ZFP90: variants seen among roughly 807,000 people sequenced by gnomAD.
The protein encoded by ZFP90 is zinc finger protein 90 homolog.
A neutral mutation model predicts 60.8 loss-of-function variants in ZFP90; 38 were observed. The ratio of observed to expected loss-of-function variants is 0.62; its 90% CI spans 0.48 to 0.82. The LOEUF (loss-of-function observed/expected upper bound fraction) is 0.82, where lower values mean the gene tolerates loss of function less well. Among genes scored for constraint, ZFP90 ranks in the 40% least tolerant of loss-of-function variants. ZFP90 has a pLI of 0.00. For synonymous variants in ZFP90, 287 were observed against 264.8 expected (o/e 1.08, Z -0.82); for missense variants, 711 against 759.1 (o/e 0.94, Z 0.74).
intron 4 of ZFP90, among the ~76,000 whole-genome samples, chr16:68,561,181 C>T (rs2091434686): frequency 6.6e-6 from 1 of 152,244 alleles, no homozygotes; most frequent in Admixed American, 6.5e-5. Context: ...AGGCATGAGC[C>T]ACTGCGCCCA....
chr16:68,562,930 G>C (rs2091458903), intron 4 of ZFP90, 114 bp from the exon 5 acceptor site: 2 of 1,550,576 alleles, frequency 1.3e-6, no homozygotes, highest in Non-Finnish European at 1.7e-6. Context: ...CAGGATACAG[G>C]AGTAATTTCA....
intron 2 of ZFP90, among the ~76,000 whole-genome samples, chr16:68,575,215 C>G (rs1167383638): frequency 6.6e-6 from 1 of 152,246 alleles, no homozygotes; most frequent in African/African-American, 2.4e-5. Context: ...GCCCACCATG[C>G]TGTGCCTGGC....
chr16:68,564,160 A>G lies in ZFP90; in HGVS notation c.1373A>G (p.Asp458Gly), dbSNP rs1318468946. The change falls in exon 5 of 5, where the codon GAC becomes GGC. Residue 458 changes from aspartate to glycine, a missense_variant. Asp to Gly is a moderately conservative substitution (Grantham distance 94). This residue lies in a region of ZFP90 where 295 missense variants were observed against 274.0 expected (regional missense o/e 1.08). Transcript: ENST00000563169. ...TACCATTGTAATGACTGTGGGGAAG[A>G]CTTTAGTCACATTACAGACTTTACT... is the stretch of plus-strand genomic sequence containing the variant. ...KSYHCNDCGEDFSHITDFTDH... is the reference protein window; with the variant it reads ...KSYHCNDCGEGFSHITDFTDH... 6.2e-7 allele frequency: 1 copy of G among 1,614,050 alleles called. No homozygotes were observed. The highest frequency in any genetic ancestry group is 8.5e-7 in the Non-Finnish European group (1 of 1,180,028).
In ZFP90 at chr16:68,564,909, G is replaced by T. The variant is rs2091501743; in HGVS notation, c.*211G>T. On this transcript the variant is annotated 3_prime_UTR_variant, in exon 5 of 5. Transcript: ENST00000563169. Reference sequence around the variant, plus strand: ...CAGACTAGTGTAAAAACAGCTACATGTATGTAGCTGGTTGGGGATGATATG... The same window carrying T: ...CAGACTAGTGTAAAAACAGCTACATTTATGTAGCTGGTTGGGGATGATATG... 2 of 1,319,076 alleles carry T rather than the reference G, an allele frequency of 1.5e-6. No individual in the cohort carries two copies. Among genetic ancestry groups the T allele is most frequent in the Non-Finnish European group, 1.9e-6 (2 of 1,038,530 alleles). The allele number at this position is 1,319,076 out of a possible 1,614,324, so 81.7% of individuals were successfully genotyped here.
chr16:68,560,422 G>T (rs764146508), intron 4 of ZFP90, among the ~76,000 whole-genome samples: 4 of 152,162 alleles, frequency 2.6e-5, no homozygotes, highest in Non-Finnish European at 4.4e-5. Flanking sequence ...ATGTTTTCAA[G>T]GTTCAATCAT....
chr16:68,557,949 G>T, intron 2 of ZFP90, 49 bp from the exon 3 acceptor site: 1 of 1,610,956 alleles, frequency 6.2e-7, no homozygotes, highest in South Asian at 1.1e-5. Flanking sequence ...CATTGCCTTA[G>T]AACATTTGTG....
At chr16:68,567,733 C>G (rs913942632), downstream of ZFP90, among the ~76,000 whole-genome samples, 1 of 152,172 alleles carries the variant, frequency 6.6e-6, no homozygotes, top group Non-Finnish European at 1.5e-5. Context: ...ACAGTTTCTC[C>G]TTTTTGCTCA....
chr16:68,574,848 A>G (rs2091585573), intron 2 of ZFP90, among the ~76,000 whole-genome samples: 1 of 149,590 alleles, frequency 6.7e-6, no homozygotes, highest in African/African-American at 2.4e-5. Context: ...TGCTTGAGCC[A>G]GGGAAGCAGA....
chr16:68,547,836 C>CTT (rs1555498464), intron 2 of ZFP90, among the ~76,000 whole-genome samples: 10 of 136,036 alleles, frequency 7.4e-5, no homozygotes, highest in African/African-American at 2.1e-4. Context: ...GTTGATCTCT[C>CTT]TTTTTTTTTT....
Position 68,564,371 on chromosome 16 carries a change from T to C in ZFP90, c.1584T>C (p.Asn528=). 1 of 1,614,066 alleles carries C rather than the reference T, an allele frequency of 6.2e-7. No homozygotes were observed. The highest frequency in any genetic ancestry group is 8.5e-7 in the Non-Finnish European group (1 of 1,179,992). ...CTGGAGAGAAACCCTATGAATGTAA[T>C]GAGTGTGGAGAAGCCTTTAGTCGAC... ...IHTGEKPYEC[N]ECGEAFSRRS... is the part of the protein sequence containing the mutation. Residue 528 remains asparagine (N), a synonymous_variant, in exon 5 of 5, where the codon AAT becomes AAC. Coordinates refer to ENST00000563169, the MANE Select transcript of ZFP90 (RefSeq NM_001305203.2).
At chr16:68,548,978 A>ATCCTCGAAACAACTCCTCATTT (rs2091205573) in intron 2 of ZFP90, among the ~76,000 whole-genome samples, 1 of 151,830 alleles carries the variant, frequency 6.6e-6, no homozygotes, top group Non-Finnish European at 1.5e-5. Flanking sequence ...TTTTTTTTTA[A>ATCCTCGAAACAACTCCTCATTT]TCCTCGAAAC....
intron 2 of ZFP90, among the ~76,000 whole-genome samples, chr16:68,572,191 C>T (rs377092076): frequency 0.01 from 1,228 of 121,392 alleles, 12 homozygotes; most frequent in Non-Finnish European, 0.017. Context: ...TTTTTTTTTT[C>T]CATTTGGAAA....
chr16:68,544,773 A>G (rs1046743239), intron 2 of ZFP90, among the ~76,000 whole-genome samples: 1 of 151,186 alleles, frequency 6.6e-6, no homozygotes, highest in African/African-American at 2.4e-5. Flanking sequence ...CTGAGCTGAC[A>G]GGAGGTGGTC....
At chr16:68,538,357 G>A (rs1407244228), upstream of ZFP90, among the ~76,000 whole-genome samples, 1 of 152,212 alleles carries the variant, frequency 6.6e-6, no homozygotes, top group African/African-American at 2.4e-5. Context: ...TAGCCTGAAT[G>A]TCTGTGATAT....
chr16:68,534,693 C>T (rs895596200), upstream of ZFP90, among the ~76,000 whole-genome samples: 11 of 151,520 alleles, frequency 7.3e-5, no homozygotes, highest in African/African-American at 1.9e-4. Context: ...ATCACGAGGT[C>T]AGGAGATCGA....
At position 68,564,715 on chromosome 16, in the gene ZFP90, G is replaced by A; in HGVS notation, c.*17G>A. On this transcript the variant is annotated 3_prime_UTR_variant, in exon 5 of 5. Transcript: ENST00000563169. ...AAACTCTAGGAACCGTGAAATTAAGGAATTTGCAGAATGCTTTAGCTAAAA... is the reference window on the plus strand; with the variant it reads ...AAACTCTAGGAACCGTGAAATTAAGAAATTTGCAGAATGCTTTAGCTAAAA... 6.3e-7 allele frequency: 1 copy of A among 1,576,514 alleles called. No homozygotes were observed. Among genetic ancestry groups the A allele is most frequent in the Non-Finnish European group, 8.6e-7 (1 of 1,165,532 alleles).
intron 2 of ZFP90, among the ~76,000 whole-genome samples, chr16:68,550,734 T>C (rs1210930954): frequency 6.6e-6 from 1 of 152,222 alleles, no homozygotes; most frequent in Non-Finnish European, 1.5e-5. Context: ...GTGGCTGCCA[T>C]ATTAGACTGT....
intron 2 of ZFP90, among the ~76,000 whole-genome samples, chr16:68,550,761 A>G (rs934714509): frequency 1.3e-5 from 2 of 152,240 alleles, no homozygotes; most frequent in East Asian, 3.8e-4. Context: ...GTAGATTGCC[A>G]TTCCCTGGAT....
rs561600161 is a variant in ZFP90, at chr16:68,566,203, A to G, written c.*1505A>G. 7.1e-6 allele frequency: 7 copies of G among 985,586 alleles called. No individual in the cohort carries two copies. In the African/African-American group the frequency reaches 1.2e-4, roughly 17 times the overall value. The allele number at this position is 985,586 out of a possible 1,614,324, so 61.1% of individuals were successfully genotyped here. ...CAGCTAAGCTTCAGTGGCCTGCTCC[A>G]TCCCCTAATGACTCCCATGGGCTAT... On this transcript the variant is annotated 3_prime_UTR_variant, in exon 5 of 5. Coordinates refer to ENST00000563169, the MANE Select transcript of ZFP90 (RefSeq NM_001305203.2).
Sources: allele counts gnomAD v4.1 joint callset (sites outside exome capture counted in the v4.1 genomes callset), GRCh38; gene constraint gnomAD v4.1.1; regional missense constraint gnomAD v4.1.1; transcripts MANE v1.5; gene names NCBI Gene and HGNC (gene_info 2026-07-23, HGNC 2026-07-21).